RTN4IP1: variants seen among roughly 807,000 people sequenced by gnomAD.
The protein encoded by RTN4IP1 is reticulon 4 interacting protein 1, also known as NAD(P)H oxidoreductase RTN4IP1, mitochondrial.
Under a neutral mutation model 46.6 loss-of-function variants are expected in RTN4IP1, and 32 were observed. That is an observed-to-expected ratio of 0.69 (90% CI 0.52 to 0.92). The LOEUF (loss-of-function observed/expected upper bound fraction) is 0.92, where lower values mean the gene tolerates loss of function less well. Ranked by LOEUF, RTN4IP1 falls within the 40% of genes least tolerant of loss-of-function variation. RTN4IP1 has a pLI of 0.00. For missense variants in RTN4IP1, 424 were observed against 485.8 expected (o/e 0.87, Z 1.20); for synonymous variants, 167 against 161.8 (o/e 1.03, Z -0.24).
chr6:106,587,569 C>T, intron 7 of RTN4IP1, 110 bp downstream of exon 7: 1 of 976,160 alleles, frequency 1.0e-6, no homozygotes, highest in Non-Finnish European at 1.5e-6. Flanking sequence ...TCCATGCTTG[C>T]AACCACCGTG....
intron 4 of RTN4IP1, among the ~76,000 whole-genome samples, chr6:106,614,833 C>G (rs958019747): frequency 6.6e-6 from 1 of 152,076 alleles, no homozygotes; most frequent in Non-Finnish European, 1.5e-5. Flanking sequence ...AGATTACAGT[C>G]CATTGAAGAG....
rs369990706 is a variant in RTN4IP1, at chr6:106,585,228, C to G, written c.991-1808G>C. On this transcript the variant is annotated intron_variant, in intron 7 of 8. Coordinates refer to ENST00000369063, the MANE Select transcript of RTN4IP1 (RefSeq NM_032730.5). ...CTGGCTCACACCTATAATCCCAACACTTTGGGAGACCAAGGTGGGAGGATT... is the reference window on the plus strand; with the variant it reads ...CTGGCTCACACCTATAATCCCAACAGTTTGGGAGACCAAGGTGGGAGGATT... 7.2e-5 allele frequency among the ~76,000 whole-genome samples: 11 copies of G among 152,228 alleles called. 1 individual carries two copies. In the East Asian group the frequency reaches 1.2e-3, roughly 16 times the overall value.
At chr6:106,619,048 A>C (rs1221570594) in intron 4 of RTN4IP1, among the ~76,000 whole-genome samples, 154 bp downstream of exon 4, 2 of 152,220 alleles carry the variant, frequency 1.3e-5, no homozygotes, top group Non-Finnish European at 2.9e-5. Flanking sequence ...GCAAACTGAC[A>C]CAAATAGAAT....
At chr6:106,610,019 C>T (rs1240540785) in intron 4 of RTN4IP1, among the ~76,000 whole-genome samples, 2 of 152,160 alleles carry the variant, frequency 1.3e-5, no homozygotes, top group Non-Finnish European at 2.9e-5. Context: ...GTGCAGGTTT[C>T]AACCATATCT....
chr6:106,629,077 ACT>A lies in RTN4IP1; in HGVS notation c.-58_-57del. ...TTCAAATACACTTGGACTGGATCAA[ACT>A]CTCACCCCTGAATTCAGTCAAATTC... On this transcript the variant is annotated 5_prime_UTR_variant, in exon 1 of 9. Coordinates refer to ENST00000369063, the MANE Select transcript of RTN4IP1 (RefSeq NM_032730.5). 1 of 1,520,568 alleles carries A rather than the reference ACT, an allele frequency of 6.6e-7. No homozygotes were observed. Among genetic ancestry groups the A allele is most frequent in the South Asian group, 1.2e-5 (1 of 81,462 alleles). 94.2% of individuals were successfully genotyped at this position (1,520,568 alleles called of 1,614,324 possible).
In RTN4IP1 at chr6:106,583,366, A is replaced by C; in HGVS notation, c.1045T>G (p.Cys349Gly). The C allele has an allele frequency of 6.2e-7, 1 of 1,613,832 alleles. No homozygotes were observed. Among genetic ancestry groups the C allele is most frequent in the Non-Finnish European group, 8.5e-7 (1 of 1,179,796 alleles). The change falls in exon 8 of 9, where the codon TGT (cysteine) becomes GGT (glycine). Residue 349 changes from cysteine (C) to glycine (G), a missense_variant. Physicochemically the swap from Cys to Gly is radical, Grantham distance 159. Transcript: ENST00000369063. ...ACCAGTTCTGCAATGTCATCTAAACATGGGCCACTGGCCATGAAAAATGCC... is the reference window on the plus strand; with the variant it reads ...ACCAGTTCTGCAATGTCATCTAAACCTGGGCCACTGGCCATGAAAAATGCC... ...RWAFFMASGPCLDDIAELVDA... is the reference protein window; with the variant it reads ...RWAFFMASGPGLDDIAELVDA...
chr6:106,592,341 AGAT>A, intron 5 of RTN4IP1, 41 bp from the exon 6 acceptor site: 4 of 1,596,038 alleles, frequency 2.5e-6, no homozygotes, highest in Non-Finnish European at 3.4e-6. Context: ...AAAAAGGGAG[AGAT>A]TAGAAAAACT....
chr6:106,602,906 C>A lies in RTN4IP1; in HGVS notation c.637G>T (p.Ala213Ser). 6.2e-7 allele frequency: 1 copy of A among 1,604,404 alleles called. No individual in the cohort carries two copies. Among genetic ancestry groups the A allele is most frequent in the Admixed American group, 1.7e-5 (1 of 58,266 alleles). The change falls in exon 5 of 9, where the codon GCT becomes TCT. Residue 213 changes from alanine (A) to serine (S), a missense_variant. By Grantham distance (99) the Ala-to-Ser change is moderately conservative (BLOSUM62 1). Transcript: ENST00000369063. ...CTGKRVLILG[A>S]SGGVGTFAIQ... ...GCAAAAGTACCAACTCCGCCTGAAG[C>A]GCCTAAGATTAGAACACTGAAATGC...
intron 1 of RTN4IP1, among the ~76,000 whole-genome samples, chr6:106,628,256 A>C (rs1776704883): frequency 6.6e-6 from 1 of 151,968 alleles, no homozygotes; most frequent in African/African-American, 2.4e-5. Flanking sequence ...GCCTGAGGTC[A>C]GGAGTTCGAG....
At chr6:106,628,679 T>G in intron 1 of RTN4IP1, 69 bp downstream of exon 1, 20 of 1,405,140 alleles carry the variant, frequency 1.4e-5, no homozygotes, top group Non-Finnish European at 1.9e-5. Flanking sequence ...CGTAGTCAAT[T>G]TTTTAAAACG....
At chr6:106,612,042 T>A (rs530816970) in intron 4 of RTN4IP1, among the ~76,000 whole-genome samples, 1 of 152,240 alleles carries the variant, frequency 6.6e-6, no homozygotes, top group South Asian at 2.1e-4. Context: ...GTGGGAACCA[T>A]CCCAAATCAC....
At chr6:106,591,401 G>A (rs978371221) in intron 6 of RTN4IP1, among the ~76,000 whole-genome samples, 3 of 151,968 alleles carry the variant, frequency 2.0e-5, no homozygotes, top group Admixed American at 1.3e-4. Flanking sequence ...AAGGCTGGGC[G>A]GTGTCAGATA....
At chr6:106,583,197 G>A in intron 8 of RTN4IP1, 131 bp downstream of exon 8, 3 of 660,864 alleles carry the variant, frequency 4.5e-6, no homozygotes, top group Non-Finnish European at 2.7e-6. Flanking sequence ...ACTTGGCCAT[G>A]TAAGGCAGCA....
chr6:106,590,176 C>T (rs953947501), intron 6 of RTN4IP1, among the ~76,000 whole-genome samples: 1 of 151,880 alleles, frequency 6.6e-6, no homozygotes, highest in Non-Finnish European at 1.5e-5. Flanking sequence ...AAAAATTAGC[C>T]GGGTGTGATG....
At chr6:106,628,677 A>AT in intron 1 of RTN4IP1, 71 bp downstream of exon 1, 2 of 1,388,486 alleles carry the variant, frequency 1.4e-6, no homozygotes, top group Middle Eastern at 1.9e-4. Context: ...AGCGTAGTCA[A>AT]TTTTTTAAAA....
chr6:106,604,544 A>G (rs1776014565), intron 4 of RTN4IP1, among the ~76,000 whole-genome samples: 1 of 152,096 alleles, frequency 6.6e-6, no homozygotes, highest in Non-Finnish European at 1.5e-5. Context: ...CTGAAGTGCA[A>G]AGGGACGATT....
At chr6:106,573,210 T>C (rs1485929843) in intron 8 of RTN4IP1, among the ~76,000 whole-genome samples, 1 of 152,188 alleles carries the variant, frequency 6.6e-6, no homozygotes, top group Non-Finnish European at 1.5e-5. Flanking sequence ...ACTGAATTCT[T>C]CCTTTTCAAA....
chr6:106,614,372 G>GT (rs1190638523), intron 4 of RTN4IP1, among the ~76,000 whole-genome samples: 1 of 152,196 alleles, frequency 6.6e-6, no homozygotes, highest in Non-Finnish European at 1.5e-5. Flanking sequence ...GTGGTAGTTG[G>GT]TAAGTGTTGT....
chr6:106,586,468 C>G (rs1775486774), intron 7 of RTN4IP1, among the ~76,000 whole-genome samples: 1 of 152,046 alleles, frequency 6.6e-6, no homozygotes, highest in Admixed American at 6.6e-5. Context: ...GTCTCCCAGA[C>G]TCAAACCATC....
Sources: allele counts gnomAD v4.1 joint callset (sites outside exome capture counted in the v4.1 genomes callset), GRCh38; gene constraint gnomAD v4.1.1; transcripts MANE v1.5; gene names NCBI Gene and HGNC (gene_info 2026-07-23, HGNC 2026-07-21).